Variants in CSMD2 observed in about 807,000 individuals in gnomAD.
CSMD2 encodes CUB and Sushi multiple domains 2, also known as CUB and sushi domain-containing protein 2.
Under a neutral mutation model 398.5 loss-of-function variants are expected in CSMD2, and 130 were observed. The ratio of observed to expected loss-of-function variants is 0.33; its 90% CI spans 0.28 to 0.38. The LOEUF is 0.38. CSMD2 is among the 10% of genes least tolerant of loss of function. CSMD2 has a pLI of 1.00. For synonymous variants in CSMD2, 1,828 were observed against 1,908.5 expected (o/e 0.96, Z 1.10); for missense variants, 3,829 against 4,764.9 (o/e 0.80, Z 5.78).
intron 2 of CSMD2, 75 bp downstream of exon 2, chr1:34,088,902 G>C (rs796614273): frequency 8.0e-7 from 1 of 1,253,412 alleles, no homozygotes; most frequent in Non-Finnish European, 1.2e-6. Context: ...CTTTTCACTC[G>C]AGAAAGATCT....
upstream of CSMD2, chr1:34,165,598 AAACACAC>A: frequency 4.3e-6 from 3 of 699,842 alleles, no homozygotes; most frequent in African/African-American, 5.5e-5. Context: ...ACACACACAC[AAACACAC>A]ACACACACAC....
chr1:33,825,236 G>A (rs1658656853), intron 7 of CSMD2, among the ~76,000 whole-genome samples: 1 of 152,146 alleles, frequency 6.6e-6, no homozygotes, highest in African/African-American at 2.4e-5. Flanking sequence ...AGGTCCAGGG[G>A]CCCTTGGAGG....
At chr1:33,629,543 C>A (rs1163827215) in intron 32 of CSMD2, among the ~76,000 whole-genome samples, 4 of 152,116 alleles carry the variant, frequency 2.6e-5, no homozygotes, top group African/African-American at 9.7e-5. Flanking sequence ...TACTTTCATG[C>A]AACATTCACA....
intron 25 of CSMD2, among the ~76,000 whole-genome samples, chr1:33,664,737 A>G (rs1314613085): frequency 6.6e-6 from 1 of 152,206 alleles, no homozygotes; most frequent in African/African-American, 2.4e-5. Context: ...CGGGAGGTGG[A>G]GCTTGCAGTG....
intron 6 of CSMD2, among the ~76,000 whole-genome samples, chr1:33,832,374 A>T (rs1208411035): frequency 6.7e-6 from 1 of 149,042 alleles, no homozygotes; most frequent in Non-Finnish European, 1.5e-5. Context: ...AAAACCGCTC[A>T]ACTACGTGGA....
At position 33,624,944 on chromosome 1, in the gene CSMD2, C is replaced by T. The variant is rs1642011336; in HGVS notation, c.5500+107G>A. 5 of 1,166,618 alleles carry T rather than the reference C, an allele frequency of 4.3e-6. No homozygotes were observed. The highest frequency in any genetic ancestry group is 2.7e-4 in the Middle Eastern group (1 of 3,648). The allele number at this position is 1,166,618 out of a possible 1,614,324, so 72.3% of individuals were successfully genotyped here. A position where few individuals can be genotyped will look rare whatever the true frequency, so the allele number is the denominator to read the frequency against. ...CCCACCTCAGCCATGCGGTGGGAAG[C>T]GGCTGCTGTGTGTCGTGGGGCATCA... On this transcript the variant is annotated intron_variant, in intron 34 of 70. Coordinates refer to ENST00000373381, the MANE Select transcript of CSMD2 (RefSeq NM_001281956.2). The surrounding 1 kb of genome is among the most constrained non-coding windows in gnomAD (Gnocchi z 4.7).
At chr1:33,613,486 C>T (rs1160109096) in intron 40 of CSMD2, among the ~76,000 whole-genome samples, 3 of 152,190 alleles carry the variant, frequency 2.0e-5, no homozygotes, top group African/African-American at 7.2e-5. Context: ...CAGTTTCCTT[C>T]AGAAGATGGT....
rs1570895759 is a variant in CSMD2, at chr1:33,600,708, A to C, written c.6856+157T>G. 31 of 710,814 alleles carry C rather than the reference A, an allele frequency of 4.4e-5. No homozygotes were observed. The East Asian group carries it at 8.3e-4, about 19-fold the overall frequency. The allele number at this position is 710,814 out of a possible 1,614,324, so 44.0% of individuals were successfully genotyped here. On this transcript the variant is annotated intron_variant, in intron 44 of 70. Transcript: ENST00000373381. ...GCACTGAGAGCTCTCACATAGGCTA[A>C]TACATTTAATTCTCATAACTCTGAA...
intron 25 of CSMD2, among the ~76,000 whole-genome samples, chr1:33,692,659 G>T (rs577319582): frequency 6.6e-6 from 1 of 152,340 alleles, no homozygotes; most frequent in Non-Finnish European, 1.5e-5. Context: ...TCAAATGGGG[G>T]TCTGCATGCC....
chr1:34,142,227 G>A (rs986850616), intron 1 of CSMD2, among the ~76,000 whole-genome samples: 3 of 152,126 alleles, frequency 2.0e-5, no homozygotes, highest in Non-Finnish European at 4.4e-5. Flanking sequence ...GGCCCCCTCA[G>A]TCTCCAAATA....
chr1:34,146,103 G>C (rs914428615), intron 1 of CSMD2, among the ~76,000 whole-genome samples: 3 of 152,154 alleles, frequency 2.0e-5, no homozygotes, highest in African/African-American at 4.8e-5. Flanking sequence ...ACCCAGGCTG[G>C]AGTGCGATGG....
chr1:33,770,072 C>T (rs1448601070), intron 13 of CSMD2, among the ~76,000 whole-genome samples: 2 of 152,178 alleles, frequency 1.3e-5, no homozygotes, highest in African/African-American at 2.4e-5. Context: ...GTCTCTCAAT[C>T]GAAGTATGAC....
chr1:33,979,037 T>C (rs1646069366), intron 3 of CSMD2, among the ~76,000 whole-genome samples: 1 of 152,168 alleles, frequency 6.6e-6, no homozygotes, highest in African/African-American at 2.4e-5. Context: ...CCTCCCATCA[T>C]TGCAGGTACA....
At chr1:33,676,851 C>A (rs1466634325) in intron 25 of CSMD2, among the ~76,000 whole-genome samples, 1 of 152,116 alleles carries the variant, frequency 6.6e-6, no homozygotes, top group African/African-American at 2.4e-5. Flanking sequence ...GAAAAACAAG[C>A]AATGGGGAAA....
chr1:33,679,698 G>A (rs1644840253), intron 25 of CSMD2, among the ~76,000 whole-genome samples: 1 of 151,996 alleles, frequency 6.6e-6, no homozygotes, highest in Non-Finnish European at 1.5e-5. Flanking sequence ...TTCCATTTTT[G>A]TTCAATTTAT....
intron 25 of CSMD2, among the ~76,000 whole-genome samples, chr1:33,681,635 T>C (rs1297951048): frequency 6.6e-6 from 1 of 152,182 alleles, no homozygotes; most frequent in African/African-American, 2.4e-5. Context: ...TTCCTGTGGA[T>C]GCTGTAACAT....
rs1288417910 is a variant in CSMD2 at position 33,587,086 on chromosome 1, A to T, written c.6937+2T>A. On this transcript the variant is annotated splice_donor_variant, in intron 45 of 70. Coordinates refer to ENST00000373381, the MANE Select transcript of CSMD2 (RefSeq NM_001281956.2). LOFTEE classifies it high-confidence loss of function. ...AGTCCTTGCTGGCTTGGGAGGTGGT[A>T]CCTATATTGAATTCTTCATTCTCTG... The T allele has an allele frequency of 6.3e-7, 1 of 1,599,168 alleles. No homozygotes were observed. Among genetic ancestry groups the T allele is most frequent in the Non-Finnish European group, 8.5e-7 (1 of 1,172,488 alleles).
At chr1:34,090,212 A>T (rs767923612) in intron 1 of CSMD2, among the ~76,000 whole-genome samples, 15 of 152,178 alleles carry the variant, frequency 9.9e-5, no homozygotes, top group Admixed American at 4.6e-4. Flanking sequence ...GGAGATTCAG[A>T]TCGACACCGG....
intron 3 of CSMD2, among the ~76,000 whole-genome samples, chr1:33,968,294 T>G (rs728567): frequency 0.043 from 6,541 of 152,216 alleles, 484 homozygotes; most frequent in African/African-American, 0.15. Context: ...TCTTTAGAGT[T>G]TTTTACAAAT....
Sources: gnomAD v4.1 joint callset for allele counts (sites outside exome capture counted in the v4.1 genomes callset) on GRCh38, gnomAD v4.1.1 for gene constraint, Gnocchi (gnomAD v3.1) non-coding constraint, MANE v1.5 for transcripts, NCBI Gene and HGNC (gene_info 2026-07-23, HGNC 2026-07-21) for gene names.